PAPPA: variants seen among roughly 807,000 people sequenced by gnomAD.
The protein encoded by PAPPA is pappalysin 1.
A neutral mutation model predicts 164.0 loss-of-function variants in PAPPA; 60 were observed. The observed-to-expected ratio is 0.37, with a 90% CI of 0.30 to 0.45. PAPPA has a LOEUF of 0.45. Among genes scored for constraint, PAPPA ranks in the 20% least tolerant of loss-of-function variants. The probability of loss-of-function intolerance (pLI) is 1.00; values close to 1 mark genes in which losing one functional copy is unlikely to be tolerated. For missense variants in PAPPA, 1,782 were observed against 2,087.3 expected, an observed-to-expected ratio of 0.85 and a Z score of 2.85; for synonymous variants, 875 against 814.1, an observed-to-expected ratio of 1.07 and a Z score of -1.27.
At chr9:116,207,192 T>C (rs777351166) in intron 2 of PAPPA, among the ~76,000 whole-genome samples, 3 of 152,214 alleles carry the variant, frequency 2.0e-5, no homozygotes, top group South Asian at 2.1e-4. Flanking sequence ...TCTCTAAGCC[T>C]CTGGAGATAA....
Position 116,154,393 on chromosome 9 carries a change from T to G in PAPPA, c.221T>G (p.Val74Gly). The G allele has an allele frequency of 9.0e-7, 1 of 1,115,946 alleles. No individual in the cohort carries two copies. The highest frequency in any genetic ancestry group is 1.1e-6 in the Non-Finnish European group (1 of 880,924). The allele number at this position is 1,115,946 out of a possible 1,614,324, so 69.1% of individuals were successfully genotyped here. The change falls in exon 1 of 22, where the codon GTC (valine) becomes GGC (glycine). Residue 74 changes from valine (V) to glycine (G), a missense_variant. Transcript: ENST00000328252. The surrounding 1 kb of genome is among the most constrained non-coding windows in gnomAD (Gnocchi z 5.2). ...GGCGGTGCCTGGGAAGCCGTGCGCG[T>G]CCCCCGGCGGCGGCAGCAGCGGGAG... ...PPGGAWEAVR[V>G]PRRRQQREAR...
At chr9:116,173,122 C>G (rs1426275953) in intron 1 of PAPPA, among the ~76,000 whole-genome samples, 1 of 152,158 alleles carries the variant, frequency 6.6e-6, no homozygotes, top group East Asian at 1.9e-4. Context: ...CAAGGCTGAA[C>G]TAATCATCCT....
chr9:116,188,540 G>C (rs1430604380), intron 2 of PAPPA, among the ~76,000 whole-genome samples: 2 of 152,192 alleles, frequency 1.3e-5, no homozygotes, highest in African/African-American at 2.4e-5. Flanking sequence ...GAGTGGGTGA[G>C]AGTTGCACAG....
intron 21 of PAPPA, among the ~76,000 whole-genome samples, chr9:116,395,305 A>AAAGAGGCAGAGAAAAAAG (rs1435687440): frequency 1.5e-4 from 23 of 151,916 alleles, no homozygotes; most frequent in African/African-American, 5.6e-4. Context: ...GAAAGAGGTC[A>AAAGAGGCAGAGAAAAAAG]AAGAGGCAGA....
At chr9:116,246,145 A>G (rs537259096) in intron 7 of PAPPA, among the ~76,000 whole-genome samples, 1 of 152,308 alleles carries the variant, frequency 6.6e-6, no homozygotes, top group Non-Finnish European at 1.5e-5. Context: ...TGTTCCCCAT[A>G]TAATGATAGG....
chr9:116,350,818 C>CTTCT (rs1349214501), intron 15 of PAPPA, among the ~76,000 whole-genome samples: 1 of 152,200 alleles, frequency 6.6e-6, no homozygotes, highest in Non-Finnish European at 1.5e-5. Flanking sequence ...CGCTTCTATG[C>CTTCT]TTCTATGGAA....
chr9:116,332,350 A>G lies in PAPPA; in HGVS notation c.3279A>G (p.Pro1093=). The G allele has an allele frequency of 6.2e-7, 1 of 1,613,628 alleles. No homozygotes were observed. Among genetic ancestry groups the G allele is most frequent in the Non-Finnish European group, 8.5e-7 (1 of 1,179,646 alleles). Reference sequence around the variant, plus strand: ...AATTTCAGGCGTATTTTTCTCAACCAATGGTTGCCGCAGCTGTCATTGTCC... The same window carrying G: ...AATTTCAGGCGTATTTTTCTCAACCGATGGTTGCCGCAGCTGTCATTGTCC... The part of the protein sequence containing the change: ...TFWLRAYFSQ[P]MVAAAVIVHL... The change falls in exon 12 of 22, where the codon CCA becomes CCG. Residue 1093 remains proline, a synonymous_variant. Transcript: ENST00000328252.
At chr9:116,172,568 G>A (rs1326197945) in intron 1 of PAPPA, among the ~76,000 whole-genome samples, 1 of 152,116 alleles carries the variant, frequency 6.6e-6, no homozygotes, top group African/African-American at 2.4e-5. Context: ...GACTTACATG[G>A]ATTCTTCTGA....
Position 116,154,437 on chromosome 9 carries a change from G to A in PAPPA, c.265G>A (p.Glu89Lys), listed in dbSNP as rs915528378. 2.4e-6 allele frequency: 3 copies of A among 1,274,326 alleles called. No homozygotes were observed. The highest frequency in any genetic ancestry group is 3.0e-6 in the Non-Finnish European group (3 of 1,009,430). 78.9% of individuals were successfully genotyped at this position (1,274,326 alleles called of 1,614,324 possible). A position where few individuals can be genotyped will look rare whatever the true frequency, so the allele number is the denominator to read the frequency against. ...QQREARGATE[E>K]PSPPSRALYF... ...GCGGGAGGCGAGGGGCGCCACCGAG[G>A]AGCCGAGCCCGCCGAGCCGGGCGCT... The change falls in exon 1 of 22, where the codon GAG becomes AAG. Residue 89 changes from glutamate (E) to lysine (K), a missense_variant. This residue lies in a region of PAPPA where 458 missense variants were observed against 430.3 expected (regional missense o/e 1.06). Coordinates refer to ENST00000328252, the MANE Select transcript of PAPPA (RefSeq NM_002581.5). The surrounding 1 kb of genome is among the most constrained non-coding windows in gnomAD (Gnocchi z 5.2).
chr9:116,307,471 G>T (rs991126623), intron 10 of PAPPA, among the ~76,000 whole-genome samples: 1 of 152,004 alleles, frequency 6.6e-6, no homozygotes, highest in Admixed American at 6.6e-5. Context: ...GTGGTGGCAG[G>T]CACCTGTAAT....
At chr9:116,243,754 T>C (rs1844763553) in intron 7 of PAPPA, among the ~76,000 whole-genome samples, 1 of 151,910 alleles carries the variant, frequency 6.6e-6, no homozygotes, top group African/African-American at 2.4e-5. Context: ...TTTAAGCAGA[T>C]GAGGAGGAGG....
intron 18 of PAPPA, among the ~76,000 whole-genome samples, chr9:116,366,029 T>A (rs1846496610): frequency 6.6e-6 from 1 of 152,144 alleles, no homozygotes; most frequent in Non-Finnish European, 1.5e-5. Context: ...CATACATATG[T>A]ATATTTGGAA....
Position 116,362,881 on chromosome 9 carries a change from A to C in PAPPA, c.4495+142A>C, listed in dbSNP as rs978330707. On this transcript the variant is annotated intron_variant, in intron 18 of 21. Coordinates refer to ENST00000328252, the MANE Select transcript of PAPPA (RefSeq NM_002581.5). ...CAGAAAGAGAGATGAATTAGTGTAG[A>C]CCATGTCCTCCCAGAAAGAGGGTCA... is the stretch of plus-strand genomic sequence containing the variant. 6 of 759,486 alleles carry C rather than the reference A, an allele frequency of 7.9e-6. No individual in the cohort carries two copies. The African/African-American group carries it at 8.8e-5, about 11-fold the overall frequency. 47.0% of individuals were successfully genotyped at this position (759,486 alleles called of 1,614,324 possible). A position where few individuals can be genotyped will look rare whatever the true frequency, so the allele number is the denominator to read the frequency against.
chr9:116,383,469 T>G (rs1846760190), intron 21 of PAPPA, among the ~76,000 whole-genome samples: 1 of 152,170 alleles, frequency 6.6e-6, no homozygotes, highest in Admixed American at 6.5e-5. Flanking sequence ...ACGCTTCATT[T>G]TATTAATAGG....
intron 18 of PAPPA, among the ~76,000 whole-genome samples, chr9:116,364,873 ACCCCAAGT>A (rs1418254418): frequency 6.6e-6 from 1 of 152,154 alleles, no homozygotes. Flanking sequence ...CCTTTCCTGT[ACCCCAAGT>A]CCCCACGGCT....
At chr9:116,164,427 T>C (rs1843699294) in intron 1 of PAPPA, among the ~76,000 whole-genome samples, 1 of 152,160 alleles carries the variant, frequency 6.6e-6, no homozygotes. Context: ...ATATAAGAGG[T>C]TCCCCTCTTC....
intron 15 of PAPPA, 139 bp from the exon 16 acceptor site, chr9:116,352,567 A>G: frequency 1.4e-6 from 1 of 714,972 alleles, no homozygotes; most frequent in Non-Finnish European, 2.5e-6. Context: ...TAGGCTCCTC[A>G]GTTGGAAGTA....
At chr9:116,219,073 G>T (rs1462507128) in intron 4 of PAPPA, among the ~76,000 whole-genome samples, 1 of 152,168 alleles carries the variant, frequency 6.6e-6, no homozygotes, top group Non-Finnish European at 1.5e-5. Flanking sequence ...TGCCTCTGTA[G>T]TCATGCAGCA....
chr9:116,194,692 G>A (rs1844083024), intron 2 of PAPPA, among the ~76,000 whole-genome samples: 1 of 152,150 alleles, frequency 6.6e-6, no homozygotes, highest in Admixed American at 6.5e-5. Context: ...GGAGTCATCT[G>A]TGTGAGACAC....
Sources: gnomAD v4.1 joint callset for allele counts (sites outside exome capture counted in the v4.1 genomes callset) on GRCh38, gnomAD v4.1.1 for gene constraint, gnomAD v4.1.1 regional missense constraint, Gnocchi (gnomAD v3.1) non-coding constraint, MANE v1.5 for transcripts, NCBI Gene and HGNC (gene_info 2026-07-23, HGNC 2026-07-21) for gene names.